ZNF142: variants seen among roughly 807,000 people sequenced by gnomAD.
The protein encoded by ZNF142 is zinc finger protein 142 (clone pHZ-49).
A neutral mutation model predicts 132.1 loss-of-function variants in ZNF142; 96 were observed. That is an observed-to-expected ratio of 0.73 (90% CI 0.62 to 0.86). ZNF142 has a LOEUF of 0.86. Ranked by LOEUF, ZNF142 falls within the 40% of genes least tolerant of loss-of-function variation. The pLI is 0.00. For missense variants in ZNF142, 2,163 were observed against 2,336.2 expected (o/e 0.93, Z 1.53); for synonymous variants, 842 against 890.1 (o/e 0.95, Z 0.96).
chr2:218,638,118 G>A lies in ZNF142; in HGVS notation c.*221C>T, dbSNP rs1696858251. 2 of 398,358 alleles carry A rather than the reference G, an allele frequency of 5.0e-6. No individual in the cohort carries two copies. Among genetic ancestry groups the A allele is most frequent in the East Asian group, 3.7e-5 (1 of 26,684 alleles). The allele number at this position is 398,358 out of a possible 1,614,324, so 24.7% of individuals were successfully genotyped here. On this transcript the variant is annotated 3_prime_UTR_variant, in exon 11 of 11. Transcript: ENST00000411696. The stretch of plus-strand genomic sequence containing the variant: ...AACTGAGAACTTGCAGGTTAAAAAC[G>A]CAATGTACAGCAATAAGAAATCAAC...
In ZNF142 at chr2:218,634,446, T is replaced by C. The variant is rs1235201590; in HGVS notation, c.*3893A>G. The C allele has an allele frequency of 1.2e-6, 2 of 1,608,230 alleles. No homozygotes were observed. The highest frequency in any genetic ancestry group is 1.7e-6 in the Non-Finnish European group (2 of 1,177,348). On this transcript the variant is annotated 3_prime_UTR_variant, in exon 11 of 11. Coordinates refer to ENST00000411696, the MANE Select transcript of ZNF142 (RefSeq NM_001379659.1). The surrounding 1 kb of genome is among the most constrained non-coding windows in gnomAD (Gnocchi z 4.0). ...GGTGAATCTTGCTCTTCTTTTCTCCTGGGGCCCTCAGTGGCCATGAATATG... is the reference window on the plus strand; with the variant it reads ...GGTGAATCTTGCTCTTCTTTTCTCCCGGGGCCCTCAGTGGCCATGAATATG...
In ZNF142 at chr2:218,642,322, G is replaced by A. The variant is rs779176146; in HGVS notation, c.4794C>T (p.His1598=). ...AARERVGLVK[H]YLEQHEETSA... Reference sequence around the variant, plus strand: ...AAGTCTCCTCATGCTGTTCCAGGTAGTGCTTTACCAGGCCCACCCGCTCCC... The same window carrying A: ...AAGTCTCCTCATGCTGTTCCAGGTAATGCTTTACCAGGCCCACCCGCTCCC... Residue 1598 remains histidine (H), a synonymous_variant, in exon 9 of 11, where the codon CAC becomes CAT. Transcript: ENST00000411696. This position sits in a 1 kb window ranked among gnomAD's most constrained non-coding sequence, Gnocchi z 4.6. 3.1e-6 allele frequency: 5 copies of A among 1,613,952 alleles called. No homozygotes were observed. The South Asian group carries it at 5.5e-5, about 18-fold the overall frequency.
Position 218,643,367 on chromosome 2 carries a change from C to T in ZNF142, c.3749G>A (p.Arg1250Lys), listed in dbSNP as rs776146327. 94 of 1,614,234 alleles carry T rather than the reference C, an allele frequency of 5.8e-5. 1 individual carries two copies. Among genetic ancestry groups the T allele is most frequent in the Non-Finnish European group, 8.0e-5 (94 of 1,180,030 alleles). ...TTTTCCTCCCCCGCCACGTCCCCCC[C>T]TGCAGCCTTCAGCCACGTGAGAGGT... ...SITSHVAEGC[R>K]GGRGGGGKRG... Residue 1250 changes from arginine (R) to lysine (K), a missense_variant, in exon 9 of 11, where the codon AGG becomes AAG. By Grantham distance (26) the Arg-to-Lys change is conservative (BLOSUM62 2). Transcript: ENST00000411696.
At chr2:218,654,525 C>T (rs1388163396) in intron 4 of ZNF142, among the ~76,000 whole-genome samples, 1 of 151,946 alleles carries the variant, frequency 6.6e-6, no homozygotes, top group Non-Finnish European at 1.5e-5. Context: ...CACCACCATG[C>T]CAGCTGATTT....
chr2:218,638,322 G>C lies in ZNF142; in HGVS notation c.*17C>G, dbSNP rs746710790. The C allele has an allele frequency of 8.4e-5, 127 of 1,504,500 alleles. No individual in the cohort carries two copies. Among genetic ancestry groups the C allele is most frequent in the Non-Finnish European group, 1.0e-4 (118 of 1,127,064 alleles). 93.2% of individuals were successfully genotyped at this position (1,504,500 alleles called of 1,614,324 possible). ...TCAGACCATACCCTCTTCCTATACA[G>C]GAGGTGGGGCAGGCTTTCAGCCCTC... On this transcript the variant is annotated 3_prime_UTR_variant, in exon 11 of 11. Coordinates refer to ENST00000411696, the MANE Select transcript of ZNF142 (RefSeq NM_001379659.1).
chr2:218,638,920 G>A (rs1696945911), intron 10 of ZNF142, 112 bp from the exon 11 acceptor site: 1 of 823,914 alleles, frequency 1.2e-6, no homozygotes, highest in Non-Finnish European at 1.9e-6. Context: ...GTTGACTAAT[G>A]ACCATCTCTT....
At chr2:218,656,029 T>C in intron 4 of ZNF142, 121 bp downstream of exon 4, 1 of 1,251,652 alleles carries the variant, frequency 8.0e-7, no homozygotes, top group Middle Eastern at 2.9e-4. Flanking sequence ...TGACAACATC[T>C]CCAAGTATAA....
chr2:218,646,099 G>A, intron 8 of ZNF142, 72 bp downstream of exon 8: 1 of 1,562,168 alleles, frequency 6.4e-7, no homozygotes, highest in East Asian at 2.2e-5. Context: ...AGGGCCAGAA[G>A]TTAGATCCGA....
In ZNF142 at chr2:218,644,342, G is replaced by A; in HGVS notation, c.2774C>T (p.Pro925Leu). 2.5e-6 allele frequency: 4 copies of A among 1,614,052 alleles called. No individual in the cohort carries two copies. The South Asian group carries it at 3.3e-5, about 13-fold the overall frequency. The stretch of plus-strand genomic sequence containing the variant: ...TCCATCTGGCCCTTCCAGTCCCAGG[G>A]GCCTGAACTCCATAGGGGCTGTTTC... ...VTETAPMEFR[P>L]LGLEGPDGLE... The change falls in exon 9 of 11, where the codon CCC becomes CTC. Residue 925 changes from proline (P) to leucine (L), a missense_variant. By Grantham distance (98) the Pro-to-Leu change is moderately conservative (BLOSUM62 -3). Transcript: ENST00000411696. The surrounding 1 kb of genome is among the most constrained non-coding windows in gnomAD (Gnocchi z 4.6).
chr2:218,656,817 C>CTTTTT (rs34530017), intron 3 of ZNF142, among the ~76,000 whole-genome samples: 1 of 119,450 alleles, frequency 8.4e-6, no homozygotes, highest in African/African-American at 3.4e-5. Flanking sequence ...CTCAGAAGTC[C>CTTTTT]TTTTTTTTTT....
chr2:218,643,771 G>A lies in ZNF142; in HGVS notation c.3345C>T (p.Thr1115=), dbSNP rs778223057. ...CACTTTCTGTGTCCTCTGAGGCCTG[G>A]GTACCTGGGAGCACAGGTTGCAGAG... The part of the protein sequence containing the change: ...PIPLQPVLPG[T]QASEDTESGK... The change falls in exon 9 of 11, where the codon ACC becomes ACT. Residue 1115 remains threonine (T), a synonymous_variant. Coordinates refer to ENST00000411696, the MANE Select transcript of ZNF142 (RefSeq NM_001379659.1). 3 of 1,611,562 alleles carry A rather than the reference G, an allele frequency of 1.9e-6. No homozygotes were observed. Among genetic ancestry groups the A allele is most frequent in the Non-Finnish European group, 2.5e-6 (3 of 1,178,750 alleles).
rs1559307142 is a variant in ZNF142 at position 218,656,259 on chromosome 2, G to A, written c.171C>T (p.Gly57=). 10 of 1,613,650 alleles carry A rather than the reference G, an allele frequency of 6.2e-6. No individual in the cohort carries two copies. The highest frequency in any genetic ancestry group is 8.5e-6 in the Non-Finnish European group (10 of 1,179,772). The change falls in exon 4 of 11, where the codon GGC becomes GGT. Residue 57 remains glycine, a synonymous_variant. Transcript: ENST00000411696. ...TTGCTGTGGCCTCTACCAGCAGGCAGCCTGGCTCAGTAGGTATAGGTGCAG... is the reference window on the plus strand; with the variant it reads ...TTGCTGTGGCCTCTACCAGCAGGCAACCTGGCTCAGTAGGTATAGGTGCAG... ...RDPAPIPTEP[G]CLLVEATATE... is the part of the protein sequence containing the mutation.
At chr2:218,650,298 AG>A (rs1251546503) in intron 6 of ZNF142, 60 bp downstream of exon 6, 1 of 1,601,646 alleles carries the variant, frequency 6.2e-7, no homozygotes, top group African/African-American at 1.3e-5. Context: ...CCTCAATGGC[AG>A]GGTTTCAACA....
intron 7 of ZNF142, among the ~76,000 whole-genome samples, chr2:218,647,755 G>C (rs1697871455): frequency 6.6e-6 from 1 of 152,142 alleles, no homozygotes; most frequent in Non-Finnish European, 1.5e-5. Context: ...TGTTGTCCCT[G>C]CCCACTCACC....
In ZNF142 at chr2:218,656,330, G is replaced by T; in HGVS notation, c.100C>A (p.Arg34Ser). 6.3e-7 allele frequency: 1 copy of T among 1,597,220 alleles called. No homozygotes were observed. Among genetic ancestry groups the T allele is most frequent in the Non-Finnish European group, 8.5e-7 (1 of 1,169,742 alleles). Residue 34 changes from arginine (R) to serine (S), a missense_variant, in exon 4 of 11, where the codon CGT (arginine) becomes AGT (serine). Arg to Ser is a moderately radical substitution (Grantham distance 110). This residue lies in a region of ZNF142 where 195 missense variants were observed against 172.4 expected (regional missense o/e 1.13). Transcript: ENST00000411696. ...CTCTGGACAGGCCCCAGGATTCCAC[G>T]GTTAGAGAGAGGCGGGGGGATCAGC... Reference protein sequence around the residue: ...LLLIPPPLSNRGILGPVQSPC... With the variant: ...LLLIPPPLSNSGILGPVQSPC...
intron 3 of ZNF142, among the ~76,000 whole-genome samples, chr2:218,658,147 G>A (rs949469724): frequency 2.0e-5 from 3 of 152,134 alleles, no homozygotes; most frequent in Admixed American, 6.6e-5. Flanking sequence ...TGTTATACAT[G>A]GCTAAAATGA....
At chr2:218,638,924 A>C in intron 10 of ZNF142, 116 bp from the exon 11 acceptor site, 1 of 790,424 alleles carries the variant, frequency 1.3e-6, no homozygotes, top group Non-Finnish European at 2.0e-6. Context: ...ACTAATGACC[A>C]TCTCTTTGGA....
rs563406928 is a variant in ZNF142, at chr2:218,656,526, C to T, written c.-34-63G>A. The T allele has an allele frequency of 8.7e-5, 112 of 1,287,784 alleles. No individual in the cohort carries two copies. The South Asian group carries it at 2.3e-3, about 26-fold the overall frequency. 79.8% of individuals were successfully genotyped at this position (1,287,784 alleles called of 1,614,324 possible). ...GAGTTCTTACTTTCTTCCTGGCTGG[C>T]GTGGGTACACAGCCCAGTGCCCACC... On this transcript the variant is annotated intron_variant, in intron 3 of 10. Coordinates refer to ENST00000411696, the MANE Select transcript of ZNF142 (RefSeq NM_001379659.1).
In ZNF142 at chr2:218,650,444, C is replaced by T. The variant is rs756141615; in HGVS notation, c.963G>A (p.Glu321=). The change falls in exon 6 of 11, where the codon GAG becomes GAA. Residue 321 remains glutamate, a synonymous_variant. Transcript: ENST00000411696. ...CACTCTTCTCTTCTTTCTCTACATT[C>T]TCCTCTTCAGCTGTCTCCTGCCCAG... The part of the protein sequence containing the change: ...PLPGQETAEE[E]NVEKEEKSDT... The T allele has an allele frequency of 6.2e-7, 1 of 1,614,180 alleles. No individual in the cohort carries two copies. The highest frequency in any genetic ancestry group is 8.5e-7 in the Non-Finnish European group (1 of 1,180,022).
Sources: allele counts gnomAD v4.1 joint callset (sites outside exome capture counted in the v4.1 genomes callset), GRCh38; gene constraint gnomAD v4.1.1; regional missense constraint gnomAD v4.1.1; non-coding constraint Gnocchi (gnomAD v3.1); transcripts MANE v1.5; gene names NCBI Gene and HGNC (gene_info 2026-07-23, HGNC 2026-07-21).